Variants in SOD2 observed in about 807,000 individuals in gnomAD.
The protein encoded by SOD2 is superoxide dismutase 2, also known as superoxide dismutase [Mn], mitochondrial.
Under a neutral mutation model 27.0 loss-of-function variants are expected in SOD2, and 11 were observed. That is an observed-to-expected ratio of 0.41 (90% CI 0.26 to 0.67). The LOEUF (loss-of-function observed/expected upper bound fraction) is 0.67. Ranked by LOEUF, SOD2 falls within the 30% of genes least tolerant of loss-of-function variation. SOD2 has a pLI of 0.34. For synonymous variants in SOD2, 105 were observed against 103.0 expected, an observed-to-expected ratio of 1.02 and a Z score of -0.12; for missense variants, 250 against 274.5, an observed-to-expected ratio of 0.91 and a Z score of 0.63.
At chr6:159,685,365 C>T (rs1322753317) in intron 3 of SOD2, among the ~76,000 whole-genome samples, 1 of 151,734 alleles carries the variant, frequency 6.6e-6, no homozygotes, top group East Asian at 1.9e-4. Context: ...GCCTTAGCCT[C>T]CCGAGCAGCT....
At chr6:159,718,661 A>C (rs1777969923) in intron 1 of SOD2, among the ~76,000 whole-genome samples, 1 of 152,212 alleles carries the variant, frequency 6.6e-6, no homozygotes, top group Non-Finnish European at 1.5e-5. Context: ...GTCAGTATAA[A>C]ATCCACTAGA....
At chr6:159,737,595 G>C (rs138215315) in intron 1 of SOD2, among the ~76,000 whole-genome samples, 1 of 151,884 alleles carries the variant, frequency 6.6e-6, no homozygotes, top group Non-Finnish European at 1.5e-5. Context: ...CAGCTTATGC[G>C]ATCCTCCCAC....
intron 1 of SOD2, among the ~76,000 whole-genome samples, chr6:159,719,058 A>C (rs1482038672): frequency 6.6e-6 from 1 of 152,092 alleles, no homozygotes; most frequent in East Asian, 1.9e-4. Context: ...AATAGATTGA[A>C]TGTTTGCGTC....
intron 1 of SOD2, among the ~76,000 whole-genome samples, chr6:159,703,536 T>C (rs373021873): frequency 3.0e-4 from 45 of 151,796 alleles, no homozygotes; most frequent in African/African-American, 8.2e-4. Context: ...TCCTAAAGTA[T>C]TAGTATTACA....
intron 1 of SOD2, among the ~76,000 whole-genome samples, chr6:159,738,324 A>G (rs1375957480): frequency 2.0e-5 from 3 of 152,220 alleles, no homozygotes; most frequent in Non-Finnish European, 4.4e-5. Flanking sequence ...TATAAATGTA[A>G]TCATGTAGTA....
At chr6:159,756,428 C>T (rs1780012280) in intron 1 of SOD2, 1 of 152,284 alleles carries the variant, frequency 6.6e-6, no homozygotes, top group African/African-American at 2.4e-5. Flanking sequence ...AAACTTAAGA[C>T]CAAGCATCGA....
At chr6:159,712,954 T>C in intron 1 of SOD2, 1 of 608,118 alleles carries the variant, frequency 1.6e-6, no homozygotes, top group East Asian at 2.8e-5. Flanking sequence ...GCATATTAGC[T>C]TTGTCTTTTG....
At position 159,753,899 on chromosome 6, in the gene SOD2, TAAC is replaced by T. The variant is rs1427838886; in HGVS notation, c.-335-5226_-335-5224del. 2.0e-5 allele frequency among the ~76,000 whole-genome samples: 3 copies of T among 152,214 alleles called. No homozygotes were observed. In the East Asian group the frequency reaches 5.8e-4, roughly 29 times the overall value. On this transcript the variant is annotated intron_variant, in intron 1 of 7. Coordinates refer to the SOD2 transcript ENST00000546087. Reference sequence around the variant, plus strand: ...AAAGATAAAAGGGTGTTGTATTACTTAACAAGATGGACAAATTTGTATTCATTG... The same window carrying T: ...AAAGATAAAAGGGTGTTGTATTACTTAAGATGGACAAATTTGTATTCATTG...
At chr6:159,741,514 T>TC (rs1255806185) in intron 1 of SOD2, 3 of 152,210 alleles carry the variant, frequency 2.0e-5, no homozygotes, top group Admixed American at 6.5e-5. Flanking sequence ...GATTTTTTTT[T>TC]CAGCTTCTAT....
At chr6:159,739,587 A>C (rs1779120234) in intron 1 of SOD2, among the ~76,000 whole-genome samples, 1 of 152,236 alleles carries the variant, frequency 6.6e-6, no homozygotes, top group Non-Finnish European at 1.5e-5. Flanking sequence ...GAAATCAGGA[A>C]GTAGGATGTT....
Position 159,692,804 on chromosome 6 carries a change from A to T in SOD2, c.83T>A (p.Leu28His), listed in dbSNP as rs2114793947. The T allele has an allele frequency of 6.2e-7, 1 of 1,613,880 alleles. No homozygotes were observed. The highest frequency in any genetic ancestry group is 8.5e-7 in the Non-Finnish European group (1 of 1,179,960). The change falls in exon 2 of 5, where the codon CTC becomes CAC. Residue 28 changes from leucine to histidine, a missense_variant. Coordinates refer to ENST00000538183, the MANE Select transcript of SOD2 (RefSeq NM_000636.4). The stretch of plus-strand genomic sequence containing the variant: ...GCCGTAGTCGTAGGGCAGGTCGGGG[A>T]GGCTGTGCTTCTGCCTGGAGCCCAG... ...GYLGSRQKHS[L>H]PDLPYDYGAL...
intron 1 of SOD2, among the ~76,000 whole-genome samples, chr6:159,700,268 G>C (rs1049774372): frequency 3.3e-5 from 5 of 152,170 alleles, no homozygotes; most frequent in Admixed American, 2.6e-4. Flanking sequence ...AGAATTAATG[G>C]AAATTAGAGA....
intron 1 of SOD2, among the ~76,000 whole-genome samples, chr6:159,741,435 T>G (rs1191049344): frequency 6.6e-6 from 1 of 152,152 alleles, no homozygotes; most frequent in African/African-American, 2.4e-5. Context: ...AACCTTCAAT[T>G]CTACATAATG....
At chr6:159,703,405 C>CT (rs35071828) in intron 1 of SOD2, among the ~76,000 whole-genome samples, 20 of 148,248 alleles carry the variant, frequency 1.3e-4, no homozygotes, top group African/African-American at 2.5e-4. Flanking sequence ...GGCTTTACCT[C>CT]TTTTTTTTTT....
chr6:159,735,622 A>T (rs943269939), intron 1 of SOD2, among the ~76,000 whole-genome samples: 10 of 151,982 alleles, frequency 6.6e-5, no homozygotes, highest in Non-Finnish European at 1.5e-5. Context: ...GGTGGCACGC[A>T]CCTGTAGTCC....
chr6:159,761,818 A>G, exon 1 of SOD2: 1 of 220,216 alleles, frequency 4.5e-6, no homozygotes, highest in Non-Finnish European at 9.0e-6. Context: ...CCGCAAGCCC[A>G]GACCCCGGCC....
upstream of SOD2, among the ~76,000 whole-genome samples, chr6:159,730,664 G>T (rs1391488351): frequency 1.3e-5 from 2 of 152,320 alleles, no homozygotes; most frequent in East Asian, 3.9e-4. Flanking sequence ...TCAGATTAAA[G>T]TTGAGGAAGG....
upstream of SOD2, among the ~76,000 whole-genome samples, chr6:159,730,427 G>T (rs950572675): frequency 4.6e-5 from 7 of 151,776 alleles, no homozygotes; most frequent in Non-Finnish European, 8.8e-5. Flanking sequence ...TTAGGTTATT[G>T]TGTTTGTCAT....
exon 1 of SOD2, chr6:159,762,077 G>A: frequency 1.2e-6 from 2 of 1,612,848 alleles, no homozygotes; most frequent in South Asian, 2.2e-5. Context: ...GACGGCGGCA[G>A]GAGAAGCAAG....
Sources: gnomAD v4.1 joint callset for allele counts (sites outside exome capture counted in the v4.1 genomes callset) on GRCh38, gnomAD v4.1.1 for gene constraint, MANE v1.5 for transcripts, NCBI Gene and HGNC (gene_info 2026-07-23, HGNC 2026-07-21) for gene names.